The following DNAH14 variants were observed in gnomAD, a reference collection of about 807,000 sequenced individuals.
DNAH14 encodes the protein axonemal beta dynein heavy chain 14.
In DNAH14, 478 loss-of-function variants were observed where a neutral mutation model predicts 520.9. That is an observed-to-expected ratio of 0.92 (90% CI 0.85 to 0.99). The LOEUF is 0.99. Among genes scored for constraint, DNAH14 ranks in the 50% least tolerant of loss-of-function variants. DNAH14 has a pLI of 0.00. For synonymous variants in DNAH14, 1,581 were observed against 1,757.2 expected, an observed-to-expected ratio of 0.90 and a Z score of 2.51; for missense variants, 4,831 against 5,234.5, an observed-to-expected ratio of 0.92 and a Z score of 2.38.
chr1:225,107,098 C>G (rs1455831601), intron 23 of DNAH14, among the ~76,000 whole-genome samples: 2 of 152,192 alleles, frequency 1.3e-5, no homozygotes, highest in Non-Finnish European at 2.9e-5. Flanking sequence ...TTCTAACAGT[C>G]AGGACCCTCA....
chr1:225,175,057 T>A (rs2083162763), intron 36 of DNAH14, among the ~76,000 whole-genome samples: 2 of 152,226 alleles, frequency 1.3e-5, no homozygotes, highest in South Asian at 2.1e-4. Context: ...CTTTTTAATG[T>A]CTTGTTAAAT....
intron 8 of DNAH14, among the ~76,000 whole-genome samples, chr1:224,975,558 G>A (rs960979533): frequency 4.6e-5 from 7 of 151,496 alleles, no homozygotes; most frequent in Admixed American, 6.6e-5. Context: ...TATTTCTGTG[G>A]GATCGGTGGT....
chr1:225,062,320 AAGAAAG>A (rs902339741), intron 17 of DNAH14, among the ~76,000 whole-genome samples: 25 of 151,960 alleles, frequency 1.6e-4, no homozygotes, highest in Non-Finnish European at 1.6e-4. Context: ...GAGAGAGAGA[AAGAAAG>A]AGAAATAAAT....
At chr1:224,949,311 G>T (rs2449294) in intron 1 of DNAH14, among the ~76,000 whole-genome samples, 1 of 151,752 alleles carries the variant, frequency 6.6e-6, no homozygotes, top group Non-Finnish European at 1.5e-5. Flanking sequence ...CACTATGTTG[G>T]GTGTGTGTGC....
chr1:225,122,590 G>C (rs1013546872), intron 26 of DNAH14, among the ~76,000 whole-genome samples: 7 of 152,108 alleles, frequency 4.6e-5, no homozygotes, highest in Non-Finnish European at 8.8e-5. Flanking sequence ...TGACAAAAAA[G>C]TTATGAATAA....
At chr1:225,181,267 T>C in intron 36 of DNAH14, among the ~76,000 whole-genome samples, 1 of 152,236 alleles carries the variant, frequency 6.6e-6, no homozygotes, top group East Asian at 1.9e-4. Context: ...TTTGCTACTA[T>C]GAATAGTGCT....
chr1:224,970,278 A>C (rs898324341), intron 7 of DNAH14, among the ~76,000 whole-genome samples: 2 of 152,112 alleles, frequency 1.3e-5, no homozygotes, highest in African/African-American at 4.8e-5. Context: ...ATTCCCGCCT[A>C]ATAAATTTTG....
chr1:225,207,466 T>C (rs559756150), intron 41 of DNAH14, among the ~76,000 whole-genome samples: 29 of 152,166 alleles, frequency 1.9e-4, no homozygotes, highest in African/African-American at 6.7e-4. Flanking sequence ...CACTAGAGGG[T>C]CTCTATTAAA....
At chr1:225,223,614 A>G (rs1427693239) in intron 41 of DNAH14, among the ~76,000 whole-genome samples, 3 of 152,176 alleles carry the variant, frequency 2.0e-5, no homozygotes, top group Non-Finnish European at 4.4e-5. Context: ...GGCCTCTTTA[A>G]CAGGGCCTCC....
rs192815404 is a variant in DNAH14, at chr1:225,286,643, C to G, written c.8272-3242C>G. Among the ~76,000 whole-genome samples, 8 of 152,252 alleles carry G rather than the reference C, an allele frequency of 5.3e-5. No individual in the cohort carries two copies. In the East Asian group the frequency reaches 1.5e-3, roughly 29 times the overall value. On this transcript the variant is annotated intron_variant, in intron 54 of 85. Transcript: ENST00000682510. The stretch of plus-strand genomic sequence containing the variant: ...TAGCTGGTGGGAATTGAAAATAGCA[C>G]AGCCACTTTGGAAGACAGTTTAGCA...
intron 41 of DNAH14, among the ~76,000 whole-genome samples, chr1:225,219,721 C>T (rs2089843923): frequency 6.6e-6 from 1 of 152,148 alleles, no homozygotes; most frequent in Admixed American, 6.6e-5. Context: ...CTGAATTCTA[C>T]CAGAGGTACA....
chr1:224,969,181 G>T, intron 7 of DNAH14: 2 of 234,452 alleles, frequency 8.5e-6, no homozygotes, highest in Non-Finnish European at 1.6e-5. Context: ...GATAAAGGAA[G>T]TTTACTCTTT....
chr1:225,335,144 T>A (rs28694262), intron 66 of DNAH14, among the ~76,000 whole-genome samples: 20,436 of 141,310 alleles, frequency 0.14, 1,638 homozygotes, highest in South Asian at 0.28. Flanking sequence ...CATGTGCACA[T>A]GTGTACATGT....
At chr1:225,123,901 C>T (rs1384804344) in intron 27 of DNAH14, among the ~76,000 whole-genome samples, 3 of 152,008 alleles carry the variant, frequency 2.0e-5, no homozygotes, top group African/African-American at 7.2e-5. Context: ...TACAGGTGTG[C>T]ACCACCATGC....
intron 78 of DNAH14, among the ~76,000 whole-genome samples, chr1:225,375,601 A>G (rs1319216721): frequency 6.6e-6 from 1 of 152,222 alleles, no homozygotes; most frequent in African/African-American, 2.4e-5. Flanking sequence ...ATAGATAAAC[A>G]AAATAGTAAA....
chr1:225,177,944 C>G lies in DNAH14; in HGVS notation c.5536-7347C>G, dbSNP rs1329015425. Among the ~76,000 whole-genome samples the G allele has an allele frequency of 2.6e-5, 4 of 152,118 alleles. No homozygotes were observed. The South Asian group carries it at 6.2e-4, about 24-fold the overall frequency. On this transcript the variant is annotated intron_variant, in intron 36 of 85. Transcript: ENST00000682510. ...ATGGTAGATCCACTGACAGCTTGCA[C>G]TGTGCACCTGGAAAAGCCACAAACA...
Position 225,324,759 on chromosome 1 carries a change from A to G in DNAH14, c.9650A>G (p.Gln3217Arg). The G allele has an allele frequency of 1.3e-6, 2 of 1,551,550 alleles. No individual in the cohort carries two copies. The highest frequency in any genetic ancestry group is 1.7e-6 in the Non-Finnish European group (2 of 1,146,916). Residue 3217 changes from glutamine to arginine, a missense_variant, in exon 64 of 86, where the codon CAA (glutamine) becomes CGA (arginine). Transcript: ENST00000682510. ...AAGGTTGTGGGCCCTAAACAAATCC[A>G]AGTAGCTGAAGCTCAAAACGTCCTT... ...VQKVVGPKQIQVAEAQNVLKI... is the reference protein window; with the variant it reads ...VQKVVGPKQIRVAEAQNVLKI...
At chr1:225,185,181 A>G (rs1209692288) in intron 36 of DNAH14, 110 bp from the exon 37 acceptor site, 9 of 1,187,316 alleles carry the variant, frequency 7.6e-6, no homozygotes, top group Admixed American at 3.5e-5. Context: ...AAGAACACAA[A>G]CTCATTTATT....
intron 83 of DNAH14, among the ~76,000 whole-genome samples, chr1:225,391,286 A>G (rs563088267): frequency 2.0e-5 from 3 of 152,238 alleles, no homozygotes; most frequent in African/African-American, 7.2e-5. Flanking sequence ...TTGGAGAAGA[A>G]CAAGACTGGG....
Sources: gnomAD v4.1 joint callset for allele counts (sites outside exome capture counted in the v4.1 genomes callset) on GRCh38, gnomAD v4.1.1 for gene constraint, MANE v1.5 for transcripts, NCBI Gene and HGNC (gene_info 2026-07-23, HGNC 2026-07-21) for gene names.